The following PDE4D variants were observed in gnomAD, a reference collection of about 807,000 sequenced individuals.
The protein encoded by PDE4D is 3',5'-cyclic-AMP phosphodiesterase 4D.
PDE4D carries 24 observed loss-of-function variants against 87.4 expected under a neutral mutation model. That is an observed-to-expected ratio of 0.27 (90% CI 0.20 to 0.39). The LOEUF (loss-of-function observed/expected upper bound fraction) is 0.39. Ranked by LOEUF, PDE4D falls within the 10% of genes least tolerant of loss-of-function variation. The pLI, the probability that PDE4D is intolerant of heterozygous loss-of-function variation, is 1.00. For synonymous variants in PDE4D, 384 were observed against 383.2 expected (o/e 1.00, Z -0.02); for missense variants, 714 against 1,041.0 (o/e 0.69, Z 4.32).
chr5:59,786,736 CTT>C (rs1765216963), intron 1 of PDE4D, among the ~76,000 whole-genome samples: 1 of 152,182 alleles, frequency 6.6e-6, no homozygotes, highest in South Asian at 2.1e-4. Context: ...CAGGCGTTCT[CTT>C]GACACATCGT....
chr5:59,773,238 G>T (rs939894990), intron 1 of PDE4D, among the ~76,000 whole-genome samples: 3 of 152,188 alleles, frequency 2.0e-5, no homozygotes, highest in African/African-American at 7.2e-5. Context: ...AGGGCATAAG[G>T]AGGTTAAATA....
At chr5:59,910,708 A>T (rs1296467774) in intron 3 of PDE4D, among the ~76,000 whole-genome samples, 2 of 152,216 alleles carry the variant, frequency 1.3e-5, no homozygotes, top group African/African-American at 4.8e-5. Flanking sequence ...TTTGAATTGT[A>T]TGACTCTGGT....
Position 59,819,196 on chromosome 5 carries a change from T to A in PDE4D, c.455+73972A>T, listed in dbSNP as rs551506234. Among the ~76,000 whole-genome samples, 15 of 152,344 alleles carry A rather than the reference T, an allele frequency of 9.8e-5. No homozygotes were observed. In the South Asian group the frequency reaches 2.9e-3, roughly 29 times the overall value. On this transcript the variant is annotated intron_variant, in intron 1 of 14. Coordinates refer to ENST00000340635, the MANE Select transcript of PDE4D (RefSeq NM_001104631.2). ...GAGGCAATTTTACAATTACTTAAAGTGAAGTGAAATTGTTTTGAATCTGCC... is the reference window on the plus strand; with the variant it reads ...GAGGCAATTTTACAATTACTTAAAGAGAAGTGAAATTGTTTTGAATCTGCC...
At chr5:59,221,316 C>T (rs557599325) in intron 1 of PDE4D, among the ~76,000 whole-genome samples, 7 of 152,160 alleles carry the variant, frequency 4.6e-5, no homozygotes, top group Non-Finnish European at 8.8e-5. Context: ...GTGACGCATG[C>T]AAAGGCTAAT....
chr5:60,228,208 A>AAC (rs577436596), intron 1 of PDE4D, among the ~76,000 whole-genome samples: 2 of 152,084 alleles, frequency 1.3e-5, no homozygotes, highest in East Asian at 3.9e-4. Flanking sequence ...TATAACTATA[A>AAC]ACACACACAT....
At chr5:59,626,021 G>C (rs907540674) in intron 1 of PDE4D, among the ~76,000 whole-genome samples, 29 of 152,320 alleles carry the variant, frequency 1.9e-4, no homozygotes, top group African/African-American at 6.5e-4. Context: ...CCAGGAGGCG[G>C]AGCTTGCAGT....
chr5:59,366,051 T>G (rs1783006457), intron 1 of PDE4D, among the ~76,000 whole-genome samples: 1 of 152,196 alleles, frequency 6.6e-6, no homozygotes, highest in South Asian at 2.1e-4. Context: ...CAAGATGGTA[T>G]TATGAACATT....
chr5:59,732,069 T>G (rs1306016102), intron 1 of PDE4D, among the ~76,000 whole-genome samples: 1 of 152,174 alleles, frequency 6.6e-6, no homozygotes, highest in Non-Finnish European at 1.5e-5. Context: ...TCTAGATAGA[T>G]CACTGCTGCG....
At chr5:60,511,944 G>A (rs1050301989) in intron 1 of PDE4D, among the ~76,000 whole-genome samples, 3 of 151,934 alleles carry the variant, frequency 2.0e-5, no homozygotes, top group Non-Finnish European at 2.9e-5. Context: ...AATATAAGTC[G>A]TAAGTCAAAT....
chr5:60,462,105 T>C (rs1314617700), intron 1 of PDE4D, among the ~76,000 whole-genome samples: 1 of 152,038 alleles, frequency 6.6e-6, no homozygotes, highest in East Asian at 1.9e-4. Flanking sequence ...CAGCCATGCC[T>C]CTCCATGGAA....
At chr5:59,088,128 T>G (rs1395701667) in intron 5 of PDE4D, among the ~76,000 whole-genome samples, 1 of 152,218 alleles carries the variant, frequency 6.6e-6, no homozygotes, top group Non-Finnish European at 1.5e-5. Flanking sequence ...TCTGCTACAA[T>G]TAGTTAACTC....
chr5:59,091,958 GA>G (rs1561469649), intron 5 of PDE4D, among the ~76,000 whole-genome samples: 1 of 151,928 alleles, frequency 6.6e-6, no homozygotes, highest in South Asian at 2.1e-4. Flanking sequence ...CATTTATTGG[GA>G]AAAAACACAA....
At chr5:60,138,216 A>G (rs899770469) in intron 2 of PDE4D, among the ~76,000 whole-genome samples, 1 of 152,104 alleles carries the variant, frequency 6.6e-6, no homozygotes, top group South Asian at 2.1e-4. Flanking sequence ...GAAGTTGGGT[A>G]GCATGATGCC....
At chr5:59,069,148 T>C (rs975575192) in intron 5 of PDE4D, among the ~76,000 whole-genome samples, 11 of 152,156 alleles carry the variant, frequency 7.2e-5, no homozygotes, top group Non-Finnish European at 5.9e-5. Flanking sequence ...CTTTAACTGA[T>C]AAAATAAAGC....
intron 6 of PDE4D, among the ~76,000 whole-genome samples, chr5:59,031,978 C>T (rs1248278758): frequency 6.6e-6 from 1 of 151,140 alleles, no homozygotes; most frequent in Non-Finnish European, 1.5e-5. Flanking sequence ...TCAAACAGTA[C>T]AAAATTTCAG....
intron 1 of PDE4D, among the ~76,000 whole-genome samples, chr5:59,506,172 T>C (rs1255180828): frequency 1.3e-5 from 2 of 152,174 alleles, no homozygotes; most frequent in East Asian, 1.9e-4. Context: ...GCTAAATTAA[T>C]ATAAATGGTT....
At chr5:59,482,827 T>C (rs931857) in intron 1 of PDE4D, among the ~76,000 whole-genome samples, 3,516 of 152,260 alleles carry the variant, frequency 0.023, 158 homozygotes, top group African/African-American at 0.08. Context: ...ATTTTACATA[T>C]GAATAAATAT....
chr5:59,838,276 A>G (rs1250265579), intron 1 of PDE4D, among the ~76,000 whole-genome samples: 1 of 152,052 alleles, frequency 6.6e-6, no homozygotes, highest in Non-Finnish European at 1.5e-5. Flanking sequence ...GTCATGCAGA[A>G]CACAGTTCAA....
chr5:59,799,476 T>C lies in PDE4D; in HGVS notation c.455+93692A>G, dbSNP rs184066950. On this transcript the variant is annotated intron_variant, in intron 1 of 14. Transcript: ENST00000340635. ...ATTGGGTGTGTAAAGAATGAGAACC[T>C]GAAATGCAGGTTTGGTTATTCAAGT... Among the ~76,000 whole-genome samples the C allele has an allele frequency of 1.2e-4, 18 of 152,314 alleles. No homozygotes were observed. The East Asian group carries it at 2.1e-3, about 18-fold the overall frequency.
Sources: allele counts gnomAD v4.1 joint callset (sites outside exome capture counted in the v4.1 genomes callset), GRCh38; gene constraint gnomAD v4.1.1; transcripts MANE v1.5; gene names NCBI Gene and HGNC (gene_info 2026-07-23, HGNC 2026-07-21).